TRPM3: variants seen among roughly 807,000 people sequenced by gnomAD.
TRPM3 encodes the protein long transient receptor potential channel 3.
TRPM3 carries 77 observed loss-of-function variants against 181.2 expected under a neutral mutation model. The ratio of observed to expected loss-of-function variants is 0.42; its 90% CI spans 0.35 to 0.51. The LOEUF is 0.51. Ranked by LOEUF, TRPM3 falls within the 20% of genes least tolerant of loss-of-function variation. TRPM3 has a pLI of 0.01. For missense variants in TRPM3, 1,759 were observed against 2,196.7 expected, an observed-to-expected ratio of 0.80 and a Z score of 3.98; for synonymous variants, 745 against 796.4, an observed-to-expected ratio of 0.94 and a Z score of 1.09.
intron 8 of TRPM3, among the ~76,000 whole-genome samples, chr9:70,756,231 C>T (rs769725705): frequency 6.6e-6 from 1 of 151,128 alleles, no homozygotes; most frequent in South Asian, 2.1e-4. Context: ...CAACCGAGAC[C>T]GAAAAAACAA....
intron 1 of TRPM3, among the ~76,000 whole-genome samples, chr9:71,046,248 G>A (rs188983243): frequency 8.4e-4 from 128 of 152,214 alleles, no homozygotes; most frequent in African/African-American, 2.9e-3. Flanking sequence ...GCCTCCCAAA[G>A]TGCTGGGATT....
chr9:70,768,636 T>C (rs1343371007), intron 7 of TRPM3, among the ~76,000 whole-genome samples: 1 of 152,060 alleles, frequency 6.6e-6, no homozygotes, highest in African/African-American at 2.4e-5. Flanking sequence ...TTGGAAATGA[T>C]TGGGCCAGGT....
intron 1 of TRPM3, among the ~76,000 whole-genome samples, chr9:71,009,959 T>A (rs1403365171): frequency 6.6e-6 from 1 of 152,058 alleles, no homozygotes; most frequent in Non-Finnish European, 1.5e-5. Flanking sequence ...TTGACAAAGG[T>A]GCCAGGAACA....
At chr9:70,836,492 AATGCCAG>A in intron 5 of TRPM3, among the ~76,000 whole-genome samples, 1 of 152,310 alleles carries the variant, frequency 6.6e-6, no homozygotes, top group Middle Eastern at 3.4e-3. Context: ...TTTGACCAGT[AATGCCAG>A]TGATATCCAT....
At chr9:71,382,979 A>G (rs555733194) in intron 1 of TRPM3, among the ~76,000 whole-genome samples, 27 of 152,296 alleles carry the variant, frequency 1.8e-4, no homozygotes, top group Admixed American at 6.5e-4. Flanking sequence ...CTTACTCTGT[A>G]TAAGCCCAAA....
At chr9:70,857,777 GA>G (rs1314914931) in intron 3 of TRPM3, among the ~76,000 whole-genome samples, 1 of 152,164 alleles carries the variant, frequency 6.6e-6, no homozygotes. Context: ...AGAATAACCT[GA>G]GTAATTTTTT....
intron 7 of TRPM3, among the ~76,000 whole-genome samples, chr9:70,763,612 G>C (rs2078561530): frequency 6.6e-6 from 1 of 152,172 alleles, no homozygotes; most frequent in Non-Finnish European, 1.5e-5. Context: ...CTGTGGACCA[G>C]ATTGAAATCA....
chr9:70,983,019 C>T (rs990671570), intron 1 of TRPM3, among the ~76,000 whole-genome samples: 1 of 152,056 alleles, frequency 6.6e-6, no homozygotes, highest in Non-Finnish European at 1.5e-5. Context: ...AATTTTAAGT[C>T]TTTCTTTCCT....
At chr9:71,221,491 A>T (rs77812596) in intron 1 of TRPM3, among the ~76,000 whole-genome samples, 1,678 of 152,118 alleles carry the variant, frequency 0.011, 28 homozygotes, top group East Asian at 0.075. Context: ...TATGTTTTTT[A>T]AAAAAAATAA....
At chr9:71,391,510 A>T (rs1311984828) in intron 1 of TRPM3, among the ~76,000 whole-genome samples, 1 of 152,026 alleles carries the variant, frequency 6.6e-6, no homozygotes, top group Non-Finnish European at 1.5e-5. Flanking sequence ...ATATGCCCAG[A>T]TTAAAATGAC....
At chr9:71,044,428 T>C (rs2059185389) in intron 1 of TRPM3, among the ~76,000 whole-genome samples, 1 of 152,240 alleles carries the variant, frequency 6.6e-6, no homozygotes, top group Non-Finnish European at 1.5e-5. Flanking sequence ...AGTCTGTTTA[T>C]ATTCTTTGCT....
chr9:71,428,071 G>GT lies in TRPM3; in HGVS notation c.183+18581dup, dbSNP rs1341476954. 3.3e-5 allele frequency among the ~76,000 whole-genome samples: 5 copies of GT among 152,008 alleles called. No homozygotes were observed. The East Asian group carries it at 5.8e-4, about 18-fold the overall frequency. ...CATGGTATAGTCCATCCAGTAGCCT[G>GT]TTTTTTTGTTGTTGTTGTTTGTTTT... On this transcript the variant is annotated intron_variant, in intron 1 of 24. Coordinates refer to the TRPM3 transcript ENST00000357533.
At chr9:70,675,179 C>T (rs2063757074) in intron 9 of TRPM3, among the ~76,000 whole-genome samples, 1 of 152,286 alleles carries the variant, frequency 6.6e-6, no homozygotes, top group Non-Finnish European at 1.5e-5. Flanking sequence ...CGGCTCACTG[C>T]AACCTCCACC....
At chr9:70,959,704 T>C (rs1590089614) in intron 1 of TRPM3, among the ~76,000 whole-genome samples, 1 of 152,166 alleles carries the variant, frequency 6.6e-6, no homozygotes, top group African/African-American at 2.4e-5. Flanking sequence ...ACATCAAAAC[T>C]CAAACCACCA....
intron 1 of TRPM3, among the ~76,000 whole-genome samples, chr9:70,985,978 G>T (rs1450769243): frequency 3.3e-5 from 5 of 152,254 alleles, no homozygotes; most frequent in African/African-American, 9.6e-5. Flanking sequence ...TCTAAACAAA[G>T]TTAATGATAA....
chr9:71,320,601 G>C (rs1349881229), intron 1 of TRPM3, among the ~76,000 whole-genome samples: 1 of 152,104 alleles, frequency 6.6e-6, no homozygotes, highest in African/African-American at 2.4e-5. Flanking sequence ...TAACTCCCTT[G>C]ACCCAGTGTA....
chr9:70,565,512 C>G (rs1182846927), intron 22 of TRPM3, among the ~76,000 whole-genome samples: 1 of 152,032 alleles, frequency 6.6e-6, no homozygotes, highest in Admixed American at 6.6e-5. Context: ...AGGCTGGTCT[C>G]GAACCGCTGA....
chr9:70,699,694 C>T (rs1391200343), intron 8 of TRPM3, among the ~76,000 whole-genome samples: 1 of 152,154 alleles, frequency 6.6e-6, no homozygotes, highest in Non-Finnish European at 1.5e-5. Flanking sequence ...CCTCTCTAGG[C>T]TTTCTTGCTA....
intron 7 of TRPM3, among the ~76,000 whole-genome samples, chr9:70,779,930 A>G (rs930237352): frequency 6.6e-6 from 1 of 152,214 alleles, no homozygotes; most frequent in African/African-American, 2.4e-5. Context: ...ACTATATGCC[A>G]TAGAGCAGAG....
Sources: allele counts gnomAD v4.1 joint callset (sites outside exome capture counted in the v4.1 genomes callset), GRCh38; gene constraint gnomAD v4.1.1; transcripts MANE v1.5; gene names NCBI Gene and HGNC (gene_info 2026-07-23, HGNC 2026-07-21).